The following PEX7 variants were observed in gnomAD, a reference collection of about 807,000 sequenced individuals.
PEX7 encodes the protein PTS2 receptor.
Under a neutral mutation model 47.5 loss-of-function variants are expected in PEX7, and 34 were observed. That is an observed-to-expected ratio of 0.72 (90% CI 0.54 to 0.95). The LOEUF (loss-of-function observed/expected upper bound fraction) is 0.95, where lower values mean the gene tolerates loss of function less well. PEX7 is among the 40% of genes least tolerant of loss of function. PEX7 has a pLI of 0.00. For synonymous variants in PEX7, 141 were observed against 148.8 expected (o/e 0.95, Z 0.38); for missense variants, 394 against 400.3 (o/e 0.98, Z 0.13).
intron 8 of PEX7, among the ~76,000 whole-genome samples, chr6:136,885,365 G>A (rs1269862725): frequency 3.3e-5 from 5 of 152,090 alleles, no homozygotes; most frequent in Non-Finnish European, 7.4e-5. Context: ...TAATAAGCCA[G>A]ACCAAGCACT....
intron 1 of PEX7, among the ~76,000 whole-genome samples, 199 bp from the exon 2 acceptor site, chr6:136,825,015 T>C (rs571319557): frequency 6.6e-6 from 1 of 152,146 alleles, no homozygotes; most frequent in African/African-American, 2.4e-5. Flanking sequence ...AAAACAGAAA[T>C]AGAGAACACA....
intron 5 of PEX7, chr6:136,855,739 C>G (rs905023527): frequency 1.7e-5 from 7 of 403,452 alleles, no homozygotes; most frequent in Non-Finnish European, 2.9e-5. Flanking sequence ...GACAAACACC[C>G]AGTTTGCCTG....
chr6:136,912,910 T>C (rs1447308262), intron 9 of PEX7, among the ~76,000 whole-genome samples: 1 of 152,218 alleles, frequency 6.6e-6, no homozygotes, highest in African/African-American at 2.4e-5. Context: ...GTCTTTTATG[T>C]CTGCCTCCTA....
At chr6:136,832,016 A>G (rs537361961) in intron 3 of PEX7, among the ~76,000 whole-genome samples, 3 of 152,278 alleles carry the variant, frequency 2.0e-5, no homozygotes, top group Non-Finnish European at 4.4e-5. Context: ...CCCAGTGGGG[A>G]CTGTGTGGGG....
intron 5 of PEX7, among the ~76,000 whole-genome samples, chr6:136,862,981 C>T (rs568395620): frequency 1.1e-4 from 17 of 152,292 alleles, no homozygotes; most frequent in African/African-American, 4.1e-4. Context: ...TGGAGAAAGT[C>T]ATGAGAGATC....
intron 8 of PEX7, among the ~76,000 whole-genome samples, chr6:136,882,550 A>ATAG (rs1186415256): frequency 6.6e-6 from 1 of 151,428 alleles, no homozygotes; most frequent in Non-Finnish European, 1.5e-5. Context: ...TACCTTTAAA[A>ATAG]TAATAATAAT....
At chr6:136,855,739 C>A in intron 5 of PEX7, 2 of 403,568 alleles carry the variant, frequency 5.0e-6, no homozygotes, top group Non-Finnish European at 4.8e-6. Context: ...GACAAACACC[C>A]AGTTTGCCTG....
At chr6:136,825,919 A>G (rs1774180890) in intron 2 of PEX7, among the ~76,000 whole-genome samples, 1 of 152,126 alleles carries the variant, frequency 6.6e-6, no homozygotes, top group African/African-American at 2.4e-5. Context: ...TCAAGGCTGT[A>G]GTGAGCTGTG....
chr6:136,898,320 A>G, intron 9 of PEX7, 79 bp downstream of exon 9: 1 of 894,816 alleles, frequency 1.1e-6, no homozygotes, highest in Non-Finnish European at 1.9e-6. Flanking sequence ...GCTTTTATGA[A>G]TAAAATTGTT....
intron 8 of PEX7, among the ~76,000 whole-genome samples, chr6:136,889,747 A>G (rs1775524195): frequency 6.6e-6 from 1 of 152,254 alleles, no homozygotes; most frequent in South Asian, 2.1e-4. Flanking sequence ...AATGAGCTCC[A>G]TGAGCATATT....
chr6:136,879,241 C>A (rs1406910309), intron 8 of PEX7, among the ~76,000 whole-genome samples: 1 of 151,928 alleles, frequency 6.6e-6, no homozygotes, highest in East Asian at 1.9e-4. Flanking sequence ...GTTTTTTATT[C>A]CTAAGTTTCC....
rs1029742964 is a variant in PEX7, at chr6:136,845,601, T to C, written c.340-14T>C. The C allele has an allele frequency of 2.6e-6, 4 of 1,537,618 alleles. No individual in the cohort carries two copies. The highest frequency in any genetic ancestry group is 1.4e-5 in the African/African-American group (1 of 73,442). ...ATGGTCTTTTGCTTTCTAAACACTT[T>C]TCAATGTTTTTAGGTGTATAGTGTT... On this transcript the variant is annotated splice_polypyrimidine_tract_variant and intron_variant, in intron 3 of 9. Coordinates refer to ENST00000318471, the MANE Select transcript of PEX7 (RefSeq NM_000288.4).
chr6:136,866,889 T>C (rs560171422), intron 6 of PEX7, among the ~76,000 whole-genome samples, 156 bp downstream of exon 6: 2 of 152,348 alleles, frequency 1.3e-5, no homozygotes, highest in African/African-American at 4.8e-5. Flanking sequence ...GTGACTGACC[T>C]GCATTAGCAT....
chr6:136,826,612 T>C, intron 3 of PEX7, 143 bp downstream of exon 3: 5 of 973,658 alleles, frequency 5.1e-6, no homozygotes, highest in Non-Finnish European at 4.7e-6. Flanking sequence ...ATGTCACTTA[T>C]TATTTGATTA....
intron 3 of PEX7, among the ~76,000 whole-genome samples, chr6:136,841,967 T>G (rs1774509283): frequency 6.6e-6 from 1 of 150,974 alleles, no homozygotes; most frequent in Non-Finnish European, 1.5e-5. Context: ...CCTAATATTT[T>G]AAACATAGTA....
At chr6:136,883,678 T>C (rs560435474) in intron 8 of PEX7, among the ~76,000 whole-genome samples, 2 of 152,280 alleles carry the variant, frequency 1.3e-5, no homozygotes, top group East Asian at 3.9e-4. Flanking sequence ...CTGGCCTTTC[T>C]TGAGAGCCTT....
At chr6:136,913,077 C>T (rs1775957642) in intron 9 of PEX7, among the ~76,000 whole-genome samples, 1 of 152,224 alleles carries the variant, frequency 6.6e-6, no homozygotes, top group African/African-American at 2.4e-5. Flanking sequence ...TTATCTTCCT[C>T]TCCAGTCCCA....
intron 5 of PEX7, among the ~76,000 whole-genome samples, chr6:136,854,335 C>T (rs763808458): frequency 1.3e-4 from 20 of 151,922 alleles, no homozygotes; most frequent in Non-Finnish European, 2.1e-4. Flanking sequence ...TACAGGTGTG[C>T]GCCATCACAC....
At chr6:136,857,367 T>C (rs1468911029) in intron 5 of PEX7, among the ~76,000 whole-genome samples, 1 of 152,222 alleles carries the variant, frequency 6.6e-6, no homozygotes, top group Non-Finnish European at 1.5e-5. Flanking sequence ...TTTTAAAACA[T>C]ACTGAGTTCA....
Sources: gnomAD v4.1 joint callset for allele counts (sites outside exome capture counted in the v4.1 genomes callset) on GRCh38, gnomAD v4.1.1 for gene constraint, MANE v1.5 for transcripts, NCBI Gene and HGNC (gene_info 2026-07-23, HGNC 2026-07-21) for gene names.